Variants in FAM210A observed in about 807,000 individuals in gnomAD.
The protein encoded by FAM210A is mitochondrial inner membrane scaffold 1.
In FAM210A, 13 loss-of-function variants were observed where a neutral mutation model predicts 25.3. The observed-to-expected ratio is 0.51, with a 90% CI of 0.33 to 0.82. The LOEUF is 0.82. Among genes scored for constraint, FAM210A ranks in the 40% least tolerant of loss-of-function variants. The pLI, the probability that FAM210A is intolerant of heterozygous loss-of-function variation, is 0.02. For missense variants in FAM210A, 319 were observed against 323.2 expected (o/e 0.99, Z 0.10); for synonymous variants, 125 against 118.7 (o/e 1.05, Z -0.35).
chr18:13,669,108 C>G (rs945826426), intron 3 of FAM210A, among the ~76,000 whole-genome samples: 1 of 152,136 alleles, frequency 6.6e-6, no homozygotes, highest in Admixed American at 6.5e-5. Flanking sequence ...CCCCAGCAAC[C>G]ACGTCTTTAA....
chr18:13,692,814 C>A (rs565676275), intron 1 of FAM210A, among the ~76,000 whole-genome samples: 71 of 152,242 alleles, frequency 4.7e-4, no homozygotes, highest in Non-Finnish European at 7.4e-5. Context: ...AAAATTGACA[C>A]CCTAACATCA....
chr18:13,706,781 G>A (rs1409007156), intron 1 of FAM210A, among the ~76,000 whole-genome samples: 1 of 152,232 alleles, frequency 6.6e-6, no homozygotes, highest in Non-Finnish European at 1.5e-5. Flanking sequence ...AAAAGTATCT[G>A]TGCAGCTGCT....
intron 1 of FAM210A, among the ~76,000 whole-genome samples, chr18:13,699,537 A>C (rs776056130): frequency 1.3e-5 from 2 of 152,150 alleles, no homozygotes; most frequent in Non-Finnish European, 2.9e-5. Flanking sequence ...CAAAATATTT[A>C]TATCTTTGTA....
rs542532801 is a variant in FAM210A, at chr18:13,699,392, GC to G, written c.-28-17288del. 3.3e-5 allele frequency among the ~76,000 whole-genome samples: 5 copies of G among 151,910 alleles called. No homozygotes were observed. The South Asian group carries it at 8.3e-4, about 25-fold the overall frequency. On this transcript the variant is annotated intron_variant, in intron 1 of 3. Coordinates refer to ENST00000651643, the MANE Select transcript of FAM210A (RefSeq NM_152352.4). ...TAATTTTCAGAAAAGATTAAATTATGCCCCCCCTAGTGAATTCCTATGGAAG... is the reference window on the plus strand; with the variant it reads ...TAATTTTCAGAAAAGATTAAATTATGCCCCCCTAGTGAATTCCTATGGAAG...
intron 1 of FAM210A, among the ~76,000 whole-genome samples, chr18:13,709,064 C>G (rs375563950): frequency 2.0e-5 from 3 of 152,212 alleles, no homozygotes; most frequent in African/African-American, 7.2e-5. Context: ...TCTGTCTGCT[C>G]CGTGACAGTC....
At chr18:13,723,866 A>T (rs192057449) in intron 1 of FAM210A, among the ~76,000 whole-genome samples, 1 of 152,266 alleles carries the variant, frequency 6.6e-6, no homozygotes, top group Non-Finnish European at 1.5e-5. Flanking sequence ...TTTCAGTAGG[A>T]ACACTTTCCT....
chr18:13,706,150 T>C (rs1361056142), intron 1 of FAM210A, among the ~76,000 whole-genome samples: 2 of 151,970 alleles, frequency 1.3e-5, no homozygotes, highest in Non-Finnish European at 2.9e-5. Flanking sequence ...TAGAGAAGGG[T>C]CCCTCCACAA....
chr18:13,716,275 C>G (rs1164852753), intron 1 of FAM210A, among the ~76,000 whole-genome samples: 1 of 152,154 alleles, frequency 6.6e-6, no homozygotes, highest in Non-Finnish European at 1.5e-5. Context: ...TACTAAGCAT[C>G]CTCTCCCCTC....
chr18:13,724,155 A>C (rs1034849872), intron 1 of FAM210A, among the ~76,000 whole-genome samples: 5 of 152,202 alleles, frequency 3.3e-5, no homozygotes, highest in African/African-American at 1.2e-4. Flanking sequence ...CATTCCAGCA[A>C]GATAACATCC....
Position 13,666,175 on chromosome 18 carries a change from C to A in FAM210A, c.*305G>T. ...GCCTAGTATGTGTCAATTACAGCTG[C>A]AACAAAACAGAAATCAAGTGTGGTT... is the stretch of plus-strand genomic sequence containing the variant. On this transcript the variant is annotated 3_prime_UTR_variant, in exon 4 of 4. Transcript: ENST00000651643. The A allele has an allele frequency of 3.4e-6, 1 of 297,194 alleles. No homozygotes were observed. Among genetic ancestry groups the A allele is most frequent in the Non-Finnish European group, 6.3e-6 (1 of 158,088 alleles). 18.4% of individuals were successfully genotyped at this position (297,194 alleles called of 1,614,324 possible). A position where few individuals can be genotyped will look rare whatever the true frequency, so the allele number is the denominator to read the frequency against.
chr18:13,682,924 G>A (rs923098287), intron 1 of FAM210A, among the ~76,000 whole-genome samples: 1 of 152,090 alleles, frequency 6.6e-6, no homozygotes, highest in Admixed American at 6.5e-5. Context: ...AATATGATAT[G>A]GTAAACTAGT....
intron 1 of FAM210A, among the ~76,000 whole-genome samples, chr18:13,705,241 C>T (rs1302599863): frequency 6.6e-6 from 1 of 152,080 alleles, no homozygotes; most frequent in African/African-American, 2.4e-5. Flanking sequence ...TATGATAACC[C>T]ATCAGTTATC....
chr18:13,716,438 C>G (rs181976552), intron 1 of FAM210A, among the ~76,000 whole-genome samples: 9 of 152,252 alleles, frequency 5.9e-5, no homozygotes, highest in Non-Finnish European at 1.0e-4. Context: ...TTAGGGGAGT[C>G]TAAGGATTTT....
At chr18:13,677,291 G>A (rs1234198150) in intron 2 of FAM210A, among the ~76,000 whole-genome samples, 1 of 152,142 alleles carries the variant, frequency 6.6e-6, no homozygotes, top group Non-Finnish European at 1.5e-5. Context: ...AGCCAGGATG[G>A]TCTGGATCTC....
At chr18:13,695,168 C>T (rs910040346) in intron 1 of FAM210A, among the ~76,000 whole-genome samples, 2 of 152,146 alleles carry the variant, frequency 1.3e-5, no homozygotes, top group Non-Finnish European at 2.9e-5. Flanking sequence ...AATGAGATAC[C>T]ATCTCACGCC....
chr18:13,712,507 A>C (rs890044320), intron 1 of FAM210A, among the ~76,000 whole-genome samples: 1 of 152,154 alleles, frequency 6.6e-6, no homozygotes, highest in Non-Finnish European at 1.5e-5. Flanking sequence ...AAATTATGAC[A>C]TTAGGAGGTA....
Position 13,713,757 on chromosome 18 carries a change from T to C in FAM210A, c.-29+12572A>G, listed in dbSNP as rs187286775. Among the ~76,000 whole-genome samples, 152 of 24,068 alleles carry C rather than the reference T, an allele frequency of 6.3e-3. 1 individual carries two copies. The East Asian group carries it at 0.19, about 30-fold the overall frequency. The allele number at this position is 24,068 out of a possible 152,430, so 15.8% of individuals were successfully genotyped here. A position where few individuals can be genotyped will look rare whatever the true frequency, so the allele number is the denominator to read the frequency against. ...ACACACACACACACACACACACGTT[T>C]AGAGACAGGGTCTTGCTCTGTCACT... On this transcript the variant is annotated intron_variant, in intron 1 of 3. Coordinates refer to ENST00000651643, the MANE Select transcript of FAM210A (RefSeq NM_152352.4).
intron 1 of FAM210A, among the ~76,000 whole-genome samples, chr18:13,724,690 G>A (rs1356032279): frequency 6.6e-6 from 1 of 152,182 alleles, no homozygotes; most frequent in Non-Finnish European, 1.5e-5. Context: ...TATAAAAACT[G>A]AAAAATGTAA....
chr18:13,682,353 G>C (rs1293275339), intron 1 of FAM210A, among the ~76,000 whole-genome samples: 1 of 152,206 alleles, frequency 6.6e-6, no homozygotes, highest in Admixed American at 6.5e-5. Flanking sequence ...GATCACCTGA[G>C]ATCAGGAGTT....
Sources: allele counts gnomAD v4.1 joint callset (sites outside exome capture counted in the v4.1 genomes callset), GRCh38; gene constraint gnomAD v4.1.1; transcripts MANE v1.5; gene names NCBI Gene and HGNC (gene_info 2026-07-23, HGNC 2026-07-21).